Variants in NELL1 observed in about 807,000 individuals in gnomAD.
NELL1 encodes protein kinase C-binding protein NELL1.
A neutral mutation model predicts 107.4 loss-of-function variants in NELL1; 76 were observed. That is an observed-to-expected ratio of 0.71 (90% CI 0.59 to 0.86). The LOEUF is 0.86. Ranked by LOEUF, NELL1 falls within the 40% of genes least tolerant of loss-of-function variation. The pLI is 0.00. For missense variants in NELL1, 1,024 were observed against 1,005.5 expected (o/e 1.02, Z -0.25); for synonymous variants, 353 against 341.2 (o/e 1.03, Z -0.38).
At chr11:21,112,023 G>C (rs1047917993) in intron 12 of NELL1, among the ~76,000 whole-genome samples, 4 of 151,758 alleles carry the variant, frequency 2.6e-5, no homozygotes, top group Non-Finnish European at 2.9e-5. Flanking sequence ...TCCATCTCTT[G>C]GATTCCAGTG....
intron 9 of NELL1, among the ~76,000 whole-genome samples, chr11:20,930,565 T>A (rs1263644268): frequency 6.6e-6 from 1 of 152,134 alleles, no homozygotes; most frequent in African/African-American, 2.4e-5. Flanking sequence ...CACATTTTTG[T>A]ATATTTTTGT....
intron 1 of NELL1, chr11:20,674,635 C>A: frequency 1.0e-6 from 1 of 959,292 alleles, no homozygotes. Flanking sequence ...GAATGCTTTT[C>A]TTAAGGGCAC....
chr11:20,677,241 C>T (rs1035620466), intron 1 of NELL1, among the ~76,000 whole-genome samples: 6 of 152,136 alleles, frequency 3.9e-5, no homozygotes, highest in Non-Finnish European at 5.9e-5. Context: ...GGTCCTTTTC[C>T]ACTTTTTTCC....
At chr11:21,326,659 A>G (rs950098806) in intron 14 of NELL1, among the ~76,000 whole-genome samples, 5 of 151,750 alleles carry the variant, frequency 3.3e-5, no homozygotes, top group South Asian at 4.2e-4. Context: ...ATAGGGTGCA[A>G]ATTTGCTGGT....
At chr11:21,176,831 G>A (rs962839189) in intron 13 of NELL1, among the ~76,000 whole-genome samples, 4 of 151,712 alleles carry the variant, frequency 2.6e-5, no homozygotes, top group Non-Finnish European at 2.9e-5. Context: ...TATTATTTAA[G>A]CCATTCAGTC....
intron 2 of NELL1, chr11:20,773,373 C>T (rs1426289861): frequency 6.6e-6 from 1 of 152,062 alleles, no homozygotes; most frequent in Non-Finnish European, 1.5e-5. Context: ...TTGATTTAAT[C>T]TTTATACTAT....
chr11:20,704,762 G>A lies in NELL1; in HGVS notation c.184+26702G>A, dbSNP rs571510439. On this transcript the variant is annotated intron_variant, in intron 2 of 19. Transcript: ENST00000357134. ...AGGATTTTATTTCTCCTTCACTTAC[G>A]AAGCTTAGTTTGGCTGGATATGAAA... Among the ~76,000 whole-genome samples the A allele has an allele frequency of 2.0e-5, 3 of 152,216 alleles. 1 individual carries two copies. The highest frequency in any genetic ancestry group is 3.9e-4 in the East Asian group (2 of 5,178).
At chr11:21,092,134 T>C (rs374234693) in intron 12 of NELL1, among the ~76,000 whole-genome samples, 10 of 152,364 alleles carry the variant, frequency 6.6e-5, no homozygotes, top group African/African-American at 2.4e-4. Flanking sequence ...TTCATTTTCT[T>C]GGTTCAAATC....
intron 12 of NELL1, among the ~76,000 whole-genome samples, chr11:21,051,621 A>G (rs1224732256): frequency 6.6e-6 from 1 of 152,180 alleles, no homozygotes; most frequent in Non-Finnish European, 1.5e-5. Flanking sequence ...CCGTGTAACT[A>G]TGGCCTCCCA....
intron 15 of NELL1, among the ~76,000 whole-genome samples, chr11:21,441,330 CGTGTGTGTGTGTGTGTGTGTGTGTGTGT>C (rs201892977): frequency 7.1e-6 from 1 of 140,150 alleles, no homozygotes; most frequent in Non-Finnish European, 1.6e-5. Flanking sequence ...GAGGCTGTGA[CGTGTGTGTGTGTGTGTGTGTGTGTGTGT>C]GTGTGTGTGT....
At chr11:20,831,354 G>T (rs1858004985) in intron 3 of NELL1, among the ~76,000 whole-genome samples, 1 of 152,160 alleles carries the variant, frequency 6.6e-6, no homozygotes, top group Non-Finnish European at 1.5e-5. Flanking sequence ...TGACTCATGT[G>T]CACCTTCACG....
At chr11:20,855,649 A>G (rs1848868716) in intron 4 of NELL1, among the ~76,000 whole-genome samples, 1 of 152,234 alleles carries the variant, frequency 6.6e-6, no homozygotes, top group Non-Finnish European at 1.5e-5. Flanking sequence ...TTGCATCTTA[A>G]TTGTTGTAAT....
chr11:21,208,482 A>C (rs1342983971), intron 13 of NELL1, among the ~76,000 whole-genome samples: 1 of 151,472 alleles, frequency 6.6e-6, no homozygotes, highest in African/African-American at 2.4e-5. Context: ...ATAGAAAAGC[A>C]CTTGATTGAA....
intron 14 of NELL1, among the ~76,000 whole-genome samples, chr11:21,298,452 G>A (rs1225430522): frequency 6.6e-6 from 1 of 151,992 alleles, no homozygotes; most frequent in Non-Finnish European, 1.5e-5. Context: ...GCTCCAGAGT[G>A]AGCTCACCTC....
chr11:20,914,491 G>T (rs910029031), intron 5 of NELL1, among the ~76,000 whole-genome samples: 27 of 152,114 alleles, frequency 1.8e-4, no homozygotes, highest in Non-Finnish European at 3.2e-4. Context: ...TTATCATGCA[G>T]ATGAAGCCTC....
chr11:21,164,519 G>A (rs994420299), intron 13 of NELL1, among the ~76,000 whole-genome samples: 1 of 152,020 alleles, frequency 6.6e-6, no homozygotes, highest in Non-Finnish European at 1.5e-5. Context: ...ACATTTATTG[G>A]CTAAGTCCTG....
At chr11:20,728,062 C>T (rs1855548010) in intron 2 of NELL1, among the ~76,000 whole-genome samples, 1 of 151,996 alleles carries the variant, frequency 6.6e-6, no homozygotes, top group South Asian at 2.1e-4. Flanking sequence ...ATTAGTCATG[C>T]TGAGCATTTT....
intron 15 of NELL1, among the ~76,000 whole-genome samples, chr11:21,373,009 G>T (rs974491343): frequency 6.6e-6 from 1 of 151,888 alleles, no homozygotes; most frequent in East Asian, 1.9e-4. Context: ...GGCAAGCATG[G>T]GTCCCTATGT....
chr11:20,669,719 G>A lies in NELL1; in HGVS notation c.-5G>A, dbSNP rs1853846452. 1 of 1,613,348 alleles carries A rather than the reference G, an allele frequency of 6.2e-7. No homozygotes were observed. The highest frequency in any genetic ancestry group is 1.1e-5 in the South Asian group (1 of 91,026). ...CCCCCTGCTAGGCGGGGACCCTCGA[G>A]AGCGATGCCGATGGATTTGATTTTA... On this transcript the variant is annotated 5_prime_UTR_variant, in exon 1 of 20. Transcript: ENST00000357134. The surrounding 1 kb of genome is among the most constrained non-coding windows in gnomAD (Gnocchi z 4.4).
Sources: gnomAD v4.1 joint callset for allele counts (sites outside exome capture counted in the v4.1 genomes callset) on GRCh38, gnomAD v4.1.1 for gene constraint, Gnocchi (gnomAD v3.1) non-coding constraint, MANE v1.5 for transcripts, NCBI Gene and HGNC (gene_info 2026-07-23, HGNC 2026-07-21) for gene names.